The following CFAP44 variants were observed in gnomAD, a reference collection of about 807,000 sequenced individuals.
CFAP44 encodes the protein cilia- and flagella-associated protein 44.
In CFAP44, 134 loss-of-function variants were observed where a neutral mutation model predicts 216.2. That is an observed-to-expected ratio of 0.62 (90% CI 0.54 to 0.72). The LOEUF (loss-of-function observed/expected upper bound fraction) is 0.72. CFAP44 is among the 30% of genes least tolerant of loss of function. The probability of loss-of-function intolerance (pLI) is 0.00; values close to 1 mark genes in which losing one functional copy is unlikely to be tolerated. For synonymous variants in CFAP44, 700 were observed against 727.6 expected, an observed-to-expected ratio of 0.96 and a Z score of 0.61; for missense variants, 2,035 against 2,182.1, an observed-to-expected ratio of 0.93 and a Z score of 1.34.
At chr3:113,319,069 C>CA (rs1362846829) in intron 28 of CFAP44, among the ~76,000 whole-genome samples, 1 of 151,884 alleles carries the variant, frequency 6.6e-6, no homozygotes, top group African/African-American at 2.4e-5. Context: ...ATGACAGGAT[C>CA]AAAAATCACA....
At chr3:113,408,625 G>A (rs1934358586) in intron 7 of CFAP44, among the ~76,000 whole-genome samples, 1 of 152,172 alleles carries the variant, frequency 6.6e-6, no homozygotes, top group Non-Finnish European at 1.5e-5. Flanking sequence ...AGCACTTTGG[G>A]AGGCTGAGGC....
rs1934655691 is a variant in CFAP44 at position 113,416,635 on chromosome 3, A to T, written c.571-8T>A. On this transcript the variant is annotated splice_region_variant and splice_polypyrimidine_tract_variant and intron_variant, in intron 5 of 34. Transcript: ENST00000393845. ...AGTTTTATGTGGATGAACCTACAAA[A>T]GATAAAATTTCACCAAAATATTAAA... The T allele has an allele frequency of 6.3e-7, 1 of 1,582,666 alleles. No individual in the cohort carries two copies.
At chr3:113,353,057 C>A (rs1450752179) in intron 22 of CFAP44, among the ~76,000 whole-genome samples, 1 of 152,132 alleles carries the variant, frequency 6.6e-6, no homozygotes, top group Non-Finnish European at 1.5e-5. Flanking sequence ...GGTAGGGAGG[C>A]AGAGGTGAAC....
intron 28 of CFAP44, among the ~76,000 whole-genome samples, chr3:113,323,111 C>T (rs947383443): frequency 6.6e-6 from 1 of 152,168 alleles, no homozygotes; most frequent in African/African-American, 2.4e-5. Context: ...CCCTCCCATA[C>T]ATGTGGGGAT....
chr3:113,291,224 G>T lies in CFAP44; in HGVS notation c.*333C>A. On this transcript the variant is annotated 3_prime_UTR_variant, in exon 35 of 35. Coordinates refer to ENST00000393845, the MANE Select transcript of CFAP44 (RefSeq NM_001164496.2). The stretch of plus-strand genomic sequence containing the variant: ...TTTCTTGCCAAGGGCTAAAAATTCA[G>T]GATACCCCCAAATCAAATTTTCCTA... 1 of 189,080 alleles carries T rather than the reference G, an allele frequency of 5.3e-6. No homozygotes were observed. Among genetic ancestry groups the T allele is most frequent in the Admixed American group, 5.5e-5 (1 of 18,342 alleles). The allele number at this position is 189,080 out of a possible 1,614,324, so 11.7% of individuals were successfully genotyped here.
chr3:113,437,291 A>C (rs541280414), intron 1 of CFAP44, among the ~76,000 whole-genome samples: 15 of 152,330 alleles, frequency 9.8e-5, no homozygotes, highest in Admixed American at 9.1e-4. Flanking sequence ...TTCTGAATAA[A>C]TTTATTTTAA....
intron 24 of CFAP44, among the ~76,000 whole-genome samples, chr3:113,336,110 G>C (rs960314870): frequency 1.3e-5 from 2 of 152,078 alleles, no homozygotes; most frequent in Non-Finnish European, 2.9e-5. Flanking sequence ...TATTACAAAA[G>C]AAGAAGGGCA....
intron 28 of CFAP44, among the ~76,000 whole-genome samples, chr3:113,320,112 T>C (rs1000382366): frequency 1.3e-5 from 2 of 151,286 alleles, no homozygotes; most frequent in East Asian, 3.9e-4. Flanking sequence ...TAGATAACAA[T>C]GAAAAAAAGC....
intron 26 of CFAP44, 107 bp downstream of exon 26, chr3:113,330,060 GA>G: frequency 7.4e-7 from 1 of 1,357,948 alleles, no homozygotes; most frequent in Non-Finnish European, 9.7e-7. Flanking sequence ...CAGGGTTTGG[GA>G]AAGGTTCATG....
chr3:113,381,011 G>T lies in CFAP44; in HGVS notation c.1940C>A (p.Ala647Asp). Residue 647 changes from alanine (A) to aspartate (D), a missense_variant, in exon 16 of 35, where the codon GCT becomes GAT. Coordinates refer to ENST00000393845, the MANE Select transcript of CFAP44 (RefSeq NM_001164496.2). ...IICENGYILE[A>D]PLPTIKQEED... ...TTCTTGCTTTATGGTTGGAAGTGGA[G>T]CTTCAAGAATATAGCCATTTTCACA... The T allele has an allele frequency of 6.3e-7, 1 of 1,597,964 alleles. No homozygotes were observed. The highest frequency in any genetic ancestry group is 8.5e-7 in the Non-Finnish European group (1 of 1,172,450).
Position 113,375,244 on chromosome 3 carries a change from T to C in CFAP44, c.2299-1688A>G, listed in dbSNP as rs376103383. Among the ~76,000 whole-genome samples the C allele has an allele frequency of 2.0e-5, 3 of 152,208 alleles. No homozygotes were observed. In the East Asian group the frequency reaches 5.8e-4, roughly 29 times the overall value. On this transcript the variant is annotated intron_variant, in intron 17 of 34. Transcript: ENST00000393845. ...CAGTGTTACAGGATGAGGAGGACGG[T>C]AGAACAGATGTTGGTGATGACGTCA...
chr3:113,377,299 T>G (rs1933373218), intron 17 of CFAP44, among the ~76,000 whole-genome samples: 1 of 152,206 alleles, frequency 6.6e-6, no homozygotes, highest in East Asian at 1.9e-4. Flanking sequence ...ACCATTTGTT[T>G]GGCTGCAGGC....
At chr3:113,334,153 T>C (rs1400331682) in intron 24 of CFAP44, among the ~76,000 whole-genome samples, 1 of 152,182 alleles carries the variant, frequency 6.6e-6, no homozygotes, top group African/African-American at 2.4e-5. Flanking sequence ...GGTTTCATCA[T>C]GTTGGCCAGG....
At chr3:113,348,048 T>C (rs1474731273) in intron 22 of CFAP44, among the ~76,000 whole-genome samples, 2 of 152,122 alleles carry the variant, frequency 1.3e-5, no homozygotes, top group African/African-American at 4.8e-5. Context: ...AAACTAGTGT[T>C]TTTGCTGCTG....
chr3:113,364,330 T>C (rs1230195326), intron 19 of CFAP44, among the ~76,000 whole-genome samples: 1 of 152,164 alleles, frequency 6.6e-6, no homozygotes, highest in Non-Finnish European at 1.5e-5. Context: ...CTGTCATTTG[T>C]TGTAAGTAAA....
At position 113,333,587 on chromosome 3, in the gene CFAP44, T is replaced by C; in HGVS notation, c.3438-4A>G. On this transcript the variant is annotated splice_region_variant and splice_polypyrimidine_tract_variant and intron_variant, in intron 24 of 34. Coordinates refer to ENST00000393845, the MANE Select transcript of CFAP44 (RefSeq NM_001164496.2). Reference sequence around the variant, plus strand: ...ATCACCAGGTTTACTCTTGTATCTATTAGAAAAACAGACAACCCCCCCACA... The same window carrying C: ...ATCACCAGGTTTACTCTTGTATCTACTAGAAAAACAGACAACCCCCCCACA... The C allele has an allele frequency of 2.0e-6, 3 of 1,509,860 alleles. No individual in the cohort carries two copies. Among genetic ancestry groups the C allele is most frequent in the Non-Finnish European group, 1.8e-6 (2 of 1,135,526 alleles). 93.5% of individuals were successfully genotyped at this position (1,509,860 alleles called of 1,614,324 possible).
At chr3:113,398,228 TA>T (rs1192749261) in intron 13 of CFAP44, among the ~76,000 whole-genome samples, 3 of 152,080 alleles carry the variant, frequency 2.0e-5, no homozygotes, top group Non-Finnish European at 2.9e-5. Context: ...ATAAAGCACA[TA>T]ATCTTAGTAT....
rs1950560557 is a variant in CFAP44, at chr3:113,363,457, T to C, written c.2771+20A>G. ...TGCAAAATCTCAGGCCTAGTCAGTATTTATCAAAAATTCCCATACCTGTAG... is the reference window on the plus strand; with the variant it reads ...TGCAAAATCTCAGGCCTAGTCAGTACTTATCAAAAATTCCCATACCTGTAG... On this transcript the variant is annotated intron_variant, in intron 20 of 34. Transcript: ENST00000393845. 1.2e-6 allele frequency: 2 copies of C among 1,605,122 alleles called. No homozygotes were observed. The highest frequency in any genetic ancestry group is 1.7e-6 in the Non-Finnish European group (2 of 1,176,550).
chr3:113,331,828 C>G (rs1950243705), intron 25 of CFAP44, among the ~76,000 whole-genome samples: 1 of 151,942 alleles, frequency 6.6e-6, no homozygotes, highest in Admixed American at 6.5e-5. Context: ...ATATTTAATA[C>G]TTTTCAATGA....
Sources: allele counts gnomAD v4.1 joint callset (sites outside exome capture counted in the v4.1 genomes callset), GRCh38; gene constraint gnomAD v4.1.1; transcripts MANE v1.5; gene names NCBI Gene and HGNC (gene_info 2026-07-23, HGNC 2026-07-21).